The following PPP2R2B variants were observed in gnomAD, a reference collection of about 807,000 sequenced individuals.
PPP2R2B encodes the protein protein phosphatase 2 regulatory subunit Bbeta.
Under a neutral mutation model 46.0 loss-of-function variants are expected in PPP2R2B, and 5 were observed. That is an observed-to-expected ratio of 0.11 (90% confidence interval 0.06 to 0.23). The LOEUF is 0.23. Ranked by LOEUF, PPP2R2B falls within the 10% of genes least tolerant of loss-of-function variation. The pLI is 1.00. For synonymous variants in PPP2R2B, 215 were observed against 206.7 expected (o/e 1.04, Z -0.34); for missense variants, 367 against 575.0 (o/e 0.64, Z 3.70).
rs1461132182 is a variant in PPP2R2B, at chr5:147,009,852, TACACACACACATAC to T, written c.79+45799_79+45812del. Reference sequence around the variant, plus strand: ...GCACATTTATACATATTTATATATATACACACACACATACACACACACACACACACACACACACA... The same window carrying T: ...GCACATTTATACATATTTATATATATACACACACACACACACACACACACA... On this transcript the variant is annotated intron_variant, in intron 1 of 8. Transcript: ENST00000336640. Among the ~76,000 whole-genome samples, 3 of 142,800 alleles carry T rather than the reference TACACACACACATAC, an allele frequency of 2.1e-5. No homozygotes were observed. In the East Asian group the frequency reaches 6.3e-4, roughly 30 times the overall value. The allele number at this position is 142,800 out of a possible 152,430, so 93.7% of individuals were successfully genotyped here.
intron 5 of PPP2R2B, among the ~76,000 whole-genome samples, chr5:146,680,689 G>A (rs929502380): frequency 2.6e-5 from 4 of 152,158 alleles, no homozygotes; most frequent in Non-Finnish European, 4.4e-5. Flanking sequence ...GTGAGACAGT[G>A]TGTGTATGCA....
At chr5:146,750,079 A>C (rs953889246) in intron 2 of PPP2R2B, among the ~76,000 whole-genome samples, 5 of 148,646 alleles carry the variant, frequency 3.4e-5, no homozygotes, top group Admixed American at 6.8e-5. Context: ...ATTTTGTAAA[A>C]AACAAACAAA....
At chr5:146,865,334 C>T (rs1156352840) in intron 2 of PPP2R2B, among the ~76,000 whole-genome samples, 5 of 149,776 alleles carry the variant, frequency 3.3e-5, no homozygotes, top group Admixed American at 6.7e-5. Context: ...ACACACTGAG[C>T]CTGGAAGGAA....
chr5:146,993,294 G>A (rs951004786), intron 1 of PPP2R2B, among the ~76,000 whole-genome samples: 1 of 151,784 alleles, frequency 6.6e-6, no homozygotes, highest in Admixed American at 6.6e-5. Flanking sequence ...CCAGGCTAGA[G>A]TGCAGTGACA....
intron 7 of PPP2R2B, among the ~76,000 whole-genome samples, chr5:146,600,858 T>C (rs1288807802): frequency 6.6e-6 from 1 of 152,204 alleles, no homozygotes; most frequent in Non-Finnish European, 1.5e-5. Flanking sequence ...AGTTCAGTAG[T>C]TTTTAGTATA....
intron 2 of PPP2R2B, among the ~76,000 whole-genome samples, chr5:146,769,461 G>A (rs1231662230): frequency 6.6e-6 from 1 of 152,004 alleles, no homozygotes; most frequent in South Asian, 2.1e-4. Context: ...AACTATAATC[G>A]TTTCTTCTTA....
chr5:147,009,121 C>G (rs1354333469), intron 1 of PPP2R2B, among the ~76,000 whole-genome samples: 2 of 152,150 alleles, frequency 1.3e-5, no homozygotes, highest in East Asian at 3.9e-4. Flanking sequence ...AAATTGTTCT[C>G]ATGATTGAAG....
At chr5:146,777,032 C>T (rs1329631968) in intron 2 of PPP2R2B, among the ~76,000 whole-genome samples, 1 of 152,056 alleles carries the variant, frequency 6.6e-6, no homozygotes, top group African/African-American at 2.4e-5. Flanking sequence ...GGAATCCCCA[C>T]ACATTGCTGG....
intron 2 of PPP2R2B, among the ~76,000 whole-genome samples, chr5:146,779,942 G>A (rs1324576414): frequency 6.6e-6 from 1 of 152,128 alleles, no homozygotes; most frequent in African/African-American, 2.4e-5. Context: ...GACGAATTTT[G>A]GTTTATGTTA....
chr5:146,628,209 T>C (rs1261347156), intron 7 of PPP2R2B, among the ~76,000 whole-genome samples: 1 of 152,122 alleles, frequency 6.6e-6, no homozygotes, highest in African/African-American at 2.4e-5. Flanking sequence ...CCTCCTAAAG[T>C]TCTGGGATTA....
intron 1 of PPP2R2B, among the ~76,000 whole-genome samples, chr5:146,961,844 AG>A: frequency 6.6e-6 from 1 of 151,950 alleles, no homozygotes; most frequent in East Asian, 1.9e-4. Context: ...ATAAAGCAAA[AG>A]GGATTTTCTA....
intron 3 of PPP2R2B, among the ~76,000 whole-genome samples, chr5:146,700,241 C>T (rs1244989407): frequency 6.6e-6 from 1 of 152,090 alleles, no homozygotes; most frequent in African/African-American, 2.4e-5. Context: ...ATCTCAGAGG[C>T]AGGCAGTGGC....
chr5:146,815,796 C>T (rs1757899205), intron 2 of PPP2R2B, among the ~76,000 whole-genome samples: 1 of 152,234 alleles, frequency 6.6e-6, no homozygotes, highest in Non-Finnish European at 1.5e-5. Context: ...ATGCTCAGAA[C>T]ATCCCTAAGG....
chr5:146,927,871 A>C (rs1416233779), intron 1 of PPP2R2B, among the ~76,000 whole-genome samples: 2 of 151,672 alleles, frequency 1.3e-5, no homozygotes, highest in African/African-American at 4.8e-5. Context: ...TTCCCTGAGT[A>C]GCCGGGATTA....
chr5:146,892,819 C>T lies in PPP2R2B; in HGVS notation c.79+162846G>A, dbSNP rs548035513. 2.0e-5 allele frequency among the ~76,000 whole-genome samples: 3 copies of T among 152,304 alleles called. No homozygotes were observed. The East Asian group carries it at 5.8e-4, about 29-fold the overall frequency. On this transcript the variant is annotated intron_variant, in intron 1 of 8. Transcript: ENST00000336640. Reference sequence around the variant, plus strand: ...TCCTGCAATAAAAAAGTTAATTTAACTTTGTTCAAATCAGAATTTTTCATA... The same window carrying T: ...TCCTGCAATAAAAAAGTTAATTTAATTTTGTTCAAATCAGAATTTTTCATA...
At chr5:147,007,499 G>A (rs753957285) in intron 1 of PPP2R2B, among the ~76,000 whole-genome samples, 2 of 152,156 alleles carry the variant, frequency 1.3e-5, no homozygotes, top group Non-Finnish European at 2.9e-5. Flanking sequence ...TCAGCAGGAT[G>A]TGAGTGGGCC....
Position 146,588,207 on chromosome 5 carries a change from A to T in PPP2R2B, c.*1740T>A, listed in dbSNP as rs150057239. 6.6e-6 allele frequency: 1 copy of T among 152,196 alleles called. No homozygotes were observed. The highest frequency in any genetic ancestry group is 1.5e-5 in the Non-Finnish European group (1 of 68,034). The allele number at this position is 152,196 out of a possible 1,614,324, so 9.4% of individuals were successfully genotyped here. On this transcript the variant is annotated 3_prime_UTR_variant, in exon 10 of 10. Coordinates refer to ENST00000394411, the MANE Select transcript of PPP2R2B (RefSeq NM_181675.4). ...CTGAGAAAGTCTCGTCTTTGTTCCC[A>T]TGCTCCCTCAATTCTGAGACGTACT...
In PPP2R2B at chr5:147,002,524, G is replaced by A. The variant is rs1339134921; in HGVS notation, c.79+53141C>T. ...ATGCTTAGGACTCTAACAGGTTTTT[G>A]AGAATGTGTCAGTAAGGGCCACTAA... On this transcript the variant is annotated intron_variant, in intron 1 of 8. Coordinates refer to the PPP2R2B transcript ENST00000336640. Among the ~76,000 whole-genome samples, 3 of 151,834 alleles carry A rather than the reference G, an allele frequency of 2.0e-5. No individual in the cohort carries two copies. In the East Asian group the frequency reaches 5.8e-4, roughly 29 times the overall value.
chr5:146,873,469 T>G lies in PPP2R2B; in HGVS notation c.70+4533A>C, dbSNP rs114713732. Among the ~76,000 whole-genome samples the G allele has an allele frequency of 3.5e-3, 537 of 152,320 alleles. 5 individuals carry two copies. Among genetic ancestry groups the G allele is most frequent in the African/African-American group, 0.012 (513 of 41,570 alleles). On this transcript the variant is annotated intron_variant, in intron 2 of 9. Transcript: ENST00000394411. ...CTTTGGATAGAGTCCAAACTCCTTG[T>G]GGTCAACAAGGCTTGATATGATCTG...
Sources: gnomAD v4.1 joint callset for allele counts (sites outside exome capture counted in the v4.1 genomes callset) on GRCh38, gnomAD v4.1.1 for gene constraint, MANE v1.5 for transcripts, NCBI Gene and HGNC (gene_info 2026-07-23, HGNC 2026-07-21) for gene names.